The following PRDX1 variants were observed in gnomAD, a reference collection of about 807,000 sequenced individuals.
PRDX1 encodes peroxiredoxin 1.
In PRDX1, 19 loss-of-function variants were observed where a neutral mutation model predicts 20.7. The ratio of observed to expected loss-of-function variants is 0.92; its 90% CI spans 0.64 to 1.35. The LOEUF is 1.35. Among genes scored for constraint, PRDX1 ranks in the 40% most tolerant of loss-of-function variants. PRDX1 has a pLI of 0.00. For missense variants in PRDX1, 226 were observed against 240.0 expected (o/e 0.94, Z 0.38); for synonymous variants, 89 against 83.9 (o/e 1.06, Z -0.33).
intron 5 of PRDX1, chr1:45,512,099 G>A (rs1187063613): frequency 2.6e-5 from 2 of 76,100 alleles, no homozygotes; most frequent in East Asian, 8.4e-4. Flanking sequence ...TTTTTTTTGA[G>A]ATGGAGTCTC....
chr1:45,513,416 A>C (rs1342434529), intron 5 of PRDX1: 1 of 152,266 alleles, frequency 6.6e-6, no homozygotes, highest in East Asian at 1.9e-4. Flanking sequence ...TCACCCTCAC[A>C]ACACACTGTA....
At chr1:45,522,580 T>C (rs1643923802), upstream of PRDX1, among the ~76,000 whole-genome samples, 1 of 152,146 alleles carries the variant, frequency 6.6e-6, no homozygotes, top group Non-Finnish European at 1.5e-5. Flanking sequence ...GCCTCAGACA[T>C]TTCCTGATGA....
Position 45,511,195 on chromosome 1 carries a change from A to G in PRDX1, c.*134T>C. On this transcript the variant is annotated 3_prime_UTR_variant, in exon 6 of 6. Coordinates refer to ENST00000319248, the MANE Select transcript of PRDX1 (RefSeq NM_181697.3). Reference sequence around the variant, plus strand: ...GCTGGTCTCTCCACCCCCTGTAGGAAAGGCCTGCCTTGTAAGACACCACAA... The same window carrying G: ...GCTGGTCTCTCCACCCCCTGTAGGAGAGGCCTGCCTTGTAAGACACCACAA... The G allele has an allele frequency of 2.7e-6, 2 of 749,784 alleles. No homozygotes were observed. The highest frequency in any genetic ancestry group is 4.3e-6 in the Non-Finnish European group (2 of 463,632). 46.4% of individuals were successfully genotyped at this position (749,784 alleles called of 1,614,324 possible).
intron 1 of PRDX1, among the ~76,000 whole-genome samples, chr1:45,519,626 G>A (rs1319678434): frequency 1.3e-5 from 2 of 151,950 alleles, no homozygotes; most frequent in South Asian, 2.1e-4. Context: ...ACGGAGTTTC[G>A]CTCTTGGGGC....
At chr1:45,515,590 C>T in intron 3 of PRDX1, 64 bp downstream of exon 3, 1 of 1,209,188 alleles carries the variant, frequency 8.3e-7, no homozygotes, top group Non-Finnish European at 1.1e-6. Context: ...CAAAGCAAGA[C>T]TCCATCTCAA....
At chr1:45,514,214 T>G (rs1338881762) in intron 5 of PRDX1, among the ~76,000 whole-genome samples, 1 of 152,136 alleles carries the variant, frequency 6.6e-6, no homozygotes, top group Non-Finnish European at 1.5e-5. Context: ...TTTGTTCACG[T>G]GTTTATCTGC....
At chr1:45,518,054 G>C (rs1274601399) in intron 2 of PRDX1, among the ~76,000 whole-genome samples, 1 of 152,140 alleles carries the variant, frequency 6.6e-6, no homozygotes, top group Non-Finnish European at 1.5e-5. Flanking sequence ...AGGAGGGCCA[G>C]AGGCAGTGGC....
intron 2 of PRDX1, among the ~76,000 whole-genome samples, chr1:45,516,585 G>A (rs994560798): frequency 9.3e-4 from 142 of 152,208 alleles, no homozygotes; most frequent in African/African-American, 3.2e-3. Context: ...TGAAGTCACT[G>A]GGATTAACCA....
At chr1:45,517,781 CAAAAAAAAAAAA>C (rs59782906) in intron 2 of PRDX1, among the ~76,000 whole-genome samples, 1 of 84,372 alleles carries the variant, frequency 1.2e-5, no homozygotes, top group Non-Finnish European at 2.3e-5. Context: ...GACTCCGTCT[CAAAAAAAAAAAA>C]AAAAAAAAAA....
At chr1:45,517,660 T>C (rs1643872938) in intron 2 of PRDX1, among the ~76,000 whole-genome samples, 1 of 151,804 alleles carries the variant, frequency 6.6e-6, no homozygotes, top group Non-Finnish European at 1.5e-5. Context: ...CGGGCGCCTG[T>C]AGTCCCAGCT....
intron 2 of PRDX1, among the ~76,000 whole-genome samples, chr1:45,518,606 C>T (rs181200679): frequency 1.1e-3 from 174 of 152,078 alleles, no homozygotes; most frequent in African/African-American, 4.0e-3. Context: ...GCCATGACTG[C>T]GCCACTGCAC....
chr1:45,511,643 G>T, intron 5 of PRDX1: 12 of 357,914 alleles, frequency 3.4e-5, no homozygotes, highest in Non-Finnish European at 3.5e-5. Context: ...TGTAGCACTT[G>T]AAATTTAAAT....
At position 45,514,356 on chromosome 1, in the gene PRDX1, T is replaced by C. The variant is rs555213195; in HGVS notation, c.514+151A>G. On this transcript the variant is annotated intron_variant, in intron 5 of 5. Coordinates refer to ENST00000319248, the MANE Select transcript of PRDX1 (RefSeq NM_181697.3). The stretch of plus-strand genomic sequence containing the variant: ...CTCTGTATGCTGAACACTGGTCCCC[T>C]GGGCCCCCTTATTTCTTTCTCTATA... 12 of 976,616 alleles carry C rather than the reference T, an allele frequency of 1.2e-5. No homozygotes were observed. The African/African-American group carries it at 2.0e-4, about 16-fold the overall frequency. 60.5% of individuals were successfully genotyped at this position (976,616 alleles called of 1,614,324 possible).
chr1:45,522,026 G>C (rs1404915089), upstream of PRDX1: 1 of 152,326 alleles, frequency 6.6e-6, no homozygotes, highest in Non-Finnish European at 1.5e-5. Context: ...ATGACTCGGC[G>C]CTTTCCCTCG....
At chr1:45,520,744 A>AT (rs1643904405) in intron 1 of PRDX1, among the ~76,000 whole-genome samples, 1 of 149,690 alleles carries the variant, frequency 6.7e-6, no homozygotes, top group African/African-American at 2.5e-5. Flanking sequence ...AAAAAAAAAA[A>AT]ATACAAAAAT....
chr1:45,512,761 C>T (rs1274864860), intron 5 of PRDX1: 1 of 152,174 alleles, frequency 6.6e-6, no homozygotes, highest in East Asian at 1.9e-4. Context: ...TGCTGAACCT[C>T]ATCTCCCACA....
chr1:45,517,987 A>C (rs1443092654), intron 2 of PRDX1, among the ~76,000 whole-genome samples: 1 of 152,110 alleles, frequency 6.6e-6, no homozygotes, highest in African/African-American at 2.4e-5. Context: ...TGAGACTTTA[A>C]ATGTAGAATG....
intron 1 of PRDX1, among the ~76,000 whole-genome samples, chr1:45,521,106 C>T (rs1643908128): frequency 6.6e-6 from 1 of 152,198 alleles, no homozygotes; most frequent in Non-Finnish European, 1.5e-5. Flanking sequence ...CTTGGTGCCC[C>T]CAAATGGCCT....
At position 45,514,652 on chromosome 1, in the gene PRDX1, G is replaced by GA; in HGVS notation, c.384-16dup. ...TAAAAAGGCCCCTGGGAAAAGAGAT[G>GA]AAAGGAAAAGCAATACAGGTTTAGA... is the stretch of plus-strand genomic sequence containing the variant. On this transcript the variant is annotated splice_polypyrimidine_tract_variant and intron_variant, in intron 4 of 5. Transcript: ENST00000319248. The GA allele has an allele frequency of 1.2e-6, 2 of 1,613,136 alleles. No homozygotes were observed. Among genetic ancestry groups the GA allele is most frequent in the Non-Finnish European group, 1.7e-6 (2 of 1,179,090 alleles).
Sources: gnomAD v4.1 joint callset for allele counts (sites outside exome capture counted in the v4.1 genomes callset) on GRCh38, gnomAD v4.1.1 for gene constraint, MANE v1.5 for transcripts, NCBI Gene and HGNC (gene_info 2026-07-23, HGNC 2026-07-21) for gene names.